Variants in UTRN observed in about 807,000 individuals in gnomAD.
The protein encoded by UTRN is utrophin, also known as dystrophin-related protein 1.
Under a neutral mutation model 463.9 loss-of-function variants are expected in UTRN, and 283 were observed. The ratio of observed to expected loss-of-function variants is 0.61; its 90% CI spans 0.55 to 0.67. The LOEUF (loss-of-function observed/expected upper bound fraction) is 0.67. Ranked by LOEUF, UTRN falls within the 30% of genes least tolerant of loss-of-function variation. The pLI, the probability that UTRN is intolerant of heterozygous loss-of-function variation, is 0.00. For synonymous variants in UTRN, 1,442 were observed against 1,431.5 expected (o/e 1.01, Z -0.17); for missense variants, 3,922 against 4,084.3 (o/e 0.96, Z 1.08).
At chr6:144,773,862 G>T (rs1390321175) in intron 59 of UTRN, among the ~76,000 whole-genome samples, 2 of 152,132 alleles carry the variant, frequency 1.3e-5, no homozygotes, top group Non-Finnish European at 2.9e-5. Context: ...GGCTTGCTTT[G>T]GGGAAGAGAA....
intron 65 of UTRN, among the ~76,000 whole-genome samples, chr6:144,818,691 T>A (rs929305536): frequency 6.6e-6 from 1 of 152,236 alleles, no homozygotes; most frequent in Non-Finnish European, 1.5e-5. Context: ...GCATTTCTAT[T>A]ATGGAAACTT....
chr6:144,522,831 C>T (rs892183520), intron 40 of UTRN, among the ~76,000 whole-genome samples, 185 bp from the exon 41 acceptor site: 2 of 151,460 alleles, frequency 1.3e-5, no homozygotes, highest in African/African-American at 4.8e-5. Flanking sequence ...GTAGCATATT[C>T]CACACACTTT....
At chr6:144,470,128 A>T (rs1399026236) in intron 23 of UTRN, among the ~76,000 whole-genome samples, 1 of 152,048 alleles carries the variant, frequency 6.6e-6, no homozygotes, top group Non-Finnish European at 1.5e-5. Context: ...CAACAATCCG[A>T]TCTCTCCTTC....
intron 2 of UTRN, among the ~76,000 whole-genome samples, chr6:144,309,780 A>T (rs1049114733): frequency 6.6e-6 from 1 of 152,162 alleles, no homozygotes; most frequent in South Asian, 2.1e-4. Flanking sequence ...GTGACTCCCC[A>T]TTCCAGTTGT....
rs539684724 is a variant in UTRN, at chr6:144,391,801, C to A, written c.80-11322C>A. ...GGACTATAGGCATGCACCACCACACCCATCTAATTTTTGTATTTTTACAAA... is the reference window on the plus strand; with the variant it reads ...GGACTATAGGCATGCACCACCACACACATCTAATTTTTGTATTTTTACAAA... On this transcript the variant is annotated intron_variant, in intron 2 of 74. Transcript: ENST00000367545. Among the ~76,000 whole-genome samples the A allele has an allele frequency of 1.1e-4, 17 of 152,282 alleles. No individual in the cohort carries two copies. The South Asian group carries it at 3.5e-3, about 32-fold the overall frequency.
chr6:144,451,386 G>C lies in UTRN; in HGVS notation c.2089G>C (p.Ala697Pro). ...EAKKKFDAISAELLNWILKWK... is the reference protein window; with the variant it reads ...EAKKKFDAISPELLNWILKWK... ...TTCAAACAGGTTTGATGCTATAAGTGCAGAGCTGTTGAACTGGATTTTGAA... is the reference window on the plus strand; with the variant it reads ...TTCAAACAGGTTTGATGCTATAAGTCCAGAGCTGTTGAACTGGATTTTGAA... The change falls in exon 18 of 75, where the codon GCA (alanine) becomes CCA (proline). Residue 697 changes from alanine (A) to proline (P), a missense_variant. Transcript: ENST00000367545. The C allele has an allele frequency of 1.9e-6, 3 of 1,613,372 alleles. No homozygotes were observed. Among genetic ancestry groups the C allele is most frequent in the Non-Finnish European group, 2.5e-6 (3 of 1,179,798 alleles).
chr6:144,697,277 A>T (rs913053020), intron 52 of UTRN, among the ~76,000 whole-genome samples: 1 of 152,162 alleles, frequency 6.6e-6, no homozygotes, highest in African/African-American at 2.4e-5. Flanking sequence ...ATGCCCACAG[A>T]TATGTTTGAT....
chr6:144,289,823 A>AT (rs948356078), intron 1 of UTRN, among the ~76,000 whole-genome samples: 36 of 150,034 alleles, frequency 2.4e-4, no homozygotes, highest in African/African-American at 6.1e-4. Flanking sequence ...TAATTTTTGT[A>AT]TTTTTTTTTA....
intron 8 of UTRN, among the ~76,000 whole-genome samples, 154 bp from the exon 9 acceptor site, chr6:144,429,427 T>C (rs1025871716): frequency 6.6e-6 from 1 of 152,196 alleles, no homozygotes; most frequent in African/African-American, 2.4e-5. Flanking sequence ...CTTTGTCTCA[T>C]ATATTATGAA....
At chr6:144,474,842 C>T in intron 25 of UTRN, 83 bp downstream of exon 25, 1 of 1,464,758 alleles carries the variant, frequency 6.8e-7, no homozygotes, top group Non-Finnish European at 9.2e-7. Context: ...TATTATGACC[C>T]ATCCAGTTTG....
chr6:144,571,850 A>C (rs1303068100), intron 50 of UTRN, among the ~76,000 whole-genome samples: 1 of 152,192 alleles, frequency 6.6e-6, no homozygotes, highest in Non-Finnish European at 1.5e-5. Context: ...CACATTCAGC[A>C]GGCTATCACT....
intron 2 of UTRN, among the ~76,000 whole-genome samples, chr6:144,401,054 C>T (rs985240332): frequency 7.2e-5 from 11 of 152,110 alleles, no homozygotes; most frequent in South Asian, 2.1e-4. Flanking sequence ...TTAAATGCTC[C>T]GGAAACAGGT....
At chr6:144,737,117 G>A (rs1789503794) in intron 54 of UTRN, among the ~76,000 whole-genome samples, 1 of 152,084 alleles carries the variant, frequency 6.6e-6, no homozygotes, top group African/African-American at 2.4e-5. Context: ...CTCATTGATG[G>A]AGAGTCTGAA....
chr6:144,470,790 C>T (rs1042093797), intron 23 of UTRN, among the ~76,000 whole-genome samples: 1 of 151,836 alleles, frequency 6.6e-6, no homozygotes, highest in South Asian at 2.1e-4. Context: ...CTCGGGAGGC[C>T]GAGGCTGGCA....
At chr6:144,631,977 C>A (rs1361110615) in intron 51 of UTRN, among the ~76,000 whole-genome samples, 1 of 152,150 alleles carries the variant, frequency 6.6e-6, no homozygotes, top group Non-Finnish European at 1.5e-5. Flanking sequence ...AAGAAAAAGT[C>A]TTTCAGATAC....
At chr6:144,385,786 G>A (rs1781364945) in intron 2 of UTRN, among the ~76,000 whole-genome samples, 1 of 151,170 alleles carries the variant, frequency 6.6e-6, no homozygotes, top group Non-Finnish European at 1.5e-5. Flanking sequence ...TCGGCTCAGT[G>A]CAACCTCCGC....
chr6:144,680,019 A>G (rs1175264739), intron 52 of UTRN, among the ~76,000 whole-genome samples: 1 of 152,150 alleles, frequency 6.6e-6, no homozygotes, highest in Non-Finnish European at 1.5e-5. Flanking sequence ...TGAATTTTCA[A>G]CTGCCTAGAT....
intron 2 of UTRN, among the ~76,000 whole-genome samples, chr6:144,383,606 C>T (rs555311772): frequency 6.6e-6 from 1 of 152,282 alleles, no homozygotes; most frequent in African/African-American, 2.4e-5. Context: ...TACTTCTCCC[C>T]TCCTCTGGGC....
intron 2 of UTRN, chr6:144,344,294 G>A: frequency 1.5e-6 from 2 of 1,304,118 alleles, no homozygotes; most frequent in Middle Eastern, 2.1e-4. Flanking sequence ...AGGCTTGCAA[G>A]CGATTACCAG....
Sources: gnomAD v4.1 joint callset for allele counts (sites outside exome capture counted in the v4.1 genomes callset) on GRCh38, gnomAD v4.1.1 for gene constraint, MANE v1.5 for transcripts, NCBI Gene and HGNC (gene_info 2026-07-23, HGNC 2026-07-21) for gene names.